The following KPNA7 variants were observed in gnomAD, a reference collection of about 807,000 sequenced individuals.
KPNA7 encodes karyopherin subunit alpha 7, also known as importin subunit alpha-8.
KPNA7 carries 54 observed loss-of-function variants against 53.7 expected under a neutral mutation model. The ratio of observed to expected loss-of-function variants is 1.01; its 90% CI spans 0.81 to 1.26. The LOEUF is 1.26. KPNA7 is among the 50% of genes most tolerant of loss of function. KPNA7 has a pLI of 0.00. For synonymous variants in KPNA7, 276 were observed against 259.3 expected, an observed-to-expected ratio of 1.06 and a Z score of -0.62; for missense variants, 640 against 644.5, an observed-to-expected ratio of 0.99 and a Z score of 0.07.
intron 10 of KPNA7, among the ~76,000 whole-genome samples, chr7:99,174,253 A>C (rs1798826500): frequency 6.6e-6 from 1 of 151,780 alleles, no homozygotes; most frequent in Admixed American, 6.6e-5. Flanking sequence ...CCTTATGAGA[A>C]TCTAGTGCCT....
chr7:99,160,041 T>C, the KPNA7 span, among the ~76,000 whole-genome samples: 1 of 148,076 alleles, frequency 6.8e-6, no homozygotes. Context: ...TTTTTTTTTT[T>C]TGAGACAGTG....
the KPNA7 span, among the ~76,000 whole-genome samples, chr7:99,166,575 A>G: frequency 1.3e-5 from 2 of 152,054 alleles, no homozygotes; most frequent in Non-Finnish European, 2.9e-5. Context: ...TCAGGCTCCC[A>G]AACTGCTGGG....
chr7:99,203,355 A>G, intron 2 of KPNA7, 115 bp from the exon 3 acceptor site: 6 of 1,060,722 alleles, frequency 5.7e-6, no homozygotes, highest in Non-Finnish European at 6.8e-6. Context: ...ATAGGCTGGA[A>G]AAGTTCAGAT....
intron 3 of KPNA7, among the ~76,000 whole-genome samples, chr7:99,200,036 G>A (rs1426277870): frequency 2.6e-5 from 4 of 152,036 alleles, no homozygotes; most frequent in Non-Finnish European, 5.9e-5. Context: ...CCTAATAGCT[G>A]GGACTACAGG....
At chr7:99,173,525 T>C, downstream of KPNA7, 4 of 528,054 alleles carry the variant, frequency 7.6e-6, no homozygotes, top group East Asian at 3.3e-5. Flanking sequence ...GAATTCCACA[T>C]GGTTTTAAGA....
chr7:99,217,263 C>T (rs918269675), intron 1 of KPNA7, among the ~76,000 whole-genome samples: 4 of 152,174 alleles, frequency 2.6e-5, no homozygotes, highest in African/African-American at 7.2e-5. Flanking sequence ...CATGGTAATT[C>T]GAGGAGGGGA....
chr7:99,196,060 C>G (rs1025865417), intron 4 of KPNA7, 24 bp downstream of exon 4: 2 of 1,544,098 alleles, frequency 1.3e-6, no homozygotes, highest in South Asian at 2.4e-5. Context: ...GAACCTGCAA[C>G]AGCAGAAGTC....
intron 1 of KPNA7, among the ~76,000 whole-genome samples, chr7:99,214,278 CA>C (rs112803395): frequency 0.068 from 7,541 of 111,280 alleles, 240 homozygotes; most frequent in African/African-American, 0.12. Flanking sequence ...TAAAAATATA[CA>C]AAAAAAAAAA....
intron 8 of KPNA7, among the ~76,000 whole-genome samples, chr7:99,184,154 CTTTTTT>C (rs34193595): frequency 1.6e-5 from 2 of 125,242 alleles, no homozygotes; most frequent in African/African-American, 6.3e-5. Flanking sequence ...TGCCCACAAC[CTTTTTT>C]TTTTTTTTTT....
the KPNA7 span, among the ~76,000 whole-genome samples, chr7:99,154,746 C>T: frequency 1.3e-5 from 2 of 151,786 alleles, no homozygotes; most frequent in African/African-American, 4.8e-5. Context: ...AAGCTGGTCT[C>T]GATCTCCTGA....
chr7:99,174,184 C>T (rs1798824774), intron 10 of KPNA7, among the ~76,000 whole-genome samples: 1 of 152,182 alleles, frequency 6.6e-6, no homozygotes, highest in Non-Finnish European at 1.5e-5. Context: ...GCATTAGATT[C>T]TCATAGCAGC....
chr7:99,184,990 T>C lies in KPNA7; in HGVS notation c.1073A>G (p.His358Arg). The change falls in exon 8 of 11, where the codon CAC (histidine) becomes CGC (arginine). Residue 358 changes from histidine to arginine, a missense_variant. Physicochemically the swap from His to Arg is conservative, Grantham distance 29. Coordinates refer to ENST00000327442, the MANE Select transcript of KPNA7 (RefSeq NM_001145715.3). ...GTAGGCAAGCAGCTGCTGGATGTGG[T>C]GACAAGGCCCCGCTGCTACGTTGCT... ...ALSNVAAGPC[H>R]HIQQLLAYDV... The C allele has an allele frequency of 1.3e-6, 2 of 1,551,966 alleles. No homozygotes were observed. Among genetic ancestry groups the C allele is most frequent in the Non-Finnish European group, 1.7e-6 (2 of 1,147,044 alleles).
At chr7:99,212,325 A>G (rs1419906055), upstream of KPNA7, among the ~76,000 whole-genome samples, 4 of 133,248 alleles carry the variant, frequency 3.0e-5, no homozygotes, top group African/African-American at 1.1e-4. Context: ...GCTCACTGCA[A>G]CCTCCACCTC....
At chr7:99,207,368 C>A in intron 2 of KPNA7, 33 bp downstream of exon 2, 2 of 1,541,728 alleles carry the variant, frequency 1.3e-6, no homozygotes, top group Admixed American at 2.0e-5. Flanking sequence ...TGCACTGGTC[C>A]CCAATAGAAG....
chr7:99,183,355 T>C (rs1789381989), intron 8 of KPNA7, among the ~76,000 whole-genome samples: 1 of 152,140 alleles, frequency 6.6e-6, no homozygotes, highest in Non-Finnish European at 1.5e-5. Flanking sequence ...CTGGGTAGGA[T>C]TTATTCCCAT....
At chr7:99,215,987 AAAAAG>A (rs1791211265) in intron 1 of KPNA7, among the ~76,000 whole-genome samples, 1 of 151,864 alleles carries the variant, frequency 6.6e-6, no homozygotes, top group African/African-American at 2.4e-5. Flanking sequence ...AAAAAAAAAA[AAAAAG>A]AAAAGCACTG....
chr7:99,203,350 C>T, intron 2 of KPNA7, 110 bp from the exon 3 acceptor site: 1 of 1,150,660 alleles, frequency 8.7e-7, no homozygotes, highest in Non-Finnish European at 1.2e-6. Context: ...ATACAATAGG[C>T]TGGAAAAGTT....
chr7:99,206,522 G>A (rs1790823210), intron 2 of KPNA7, among the ~76,000 whole-genome samples: 1 of 152,128 alleles, frequency 6.6e-6, no homozygotes, highest in Admixed American at 6.6e-5. Flanking sequence ...AGATTGGAGT[G>A]CAGTGGCACA....
chr7:99,169,171 A>T (rs574497336), downstream of KPNA7, among the ~76,000 whole-genome samples: 8 of 152,140 alleles, frequency 5.3e-5, no homozygotes, highest in East Asian at 5.8e-4. Context: ...ATAATTTTTT[A>T]AAATAATGTA....
Sources: allele counts gnomAD v4.1 joint callset (sites outside exome capture counted in the v4.1 genomes callset), GRCh38; gene constraint gnomAD v4.1.1; transcripts MANE v1.5; gene names NCBI Gene and HGNC (gene_info 2026-07-23, HGNC 2026-07-21).